Variants in CAPN5 observed in about 807,000 individuals in gnomAD.
CAPN5 encodes calpain 5.
In CAPN5, 54 loss-of-function variants were observed where a neutral mutation model predicts 73.0. That is an observed-to-expected ratio of 0.74 (90% confidence interval 0.59 to 0.93). The LOEUF (loss-of-function observed/expected upper bound fraction) is 0.93. CAPN5 is among the 40% of genes least tolerant of loss of function. CAPN5 has a pLI of 0.00. For missense variants in CAPN5, 785 were observed against 882.9 expected (o/e 0.89, Z 1.41); for synonymous variants, 335 against 356.9 (o/e 0.94, Z 0.69).
At chr11:77,077,466 TG>T (rs1334182239) in intron 1 of CAPN5, among the ~76,000 whole-genome samples, 1 of 151,714 alleles carries the variant, frequency 6.6e-6, no homozygotes, top group African/African-American at 2.4e-5. Flanking sequence ...AGGTGGGAGG[TG>T]GTATCTCATT....
intron 3 of CAPN5, among the ~76,000 whole-genome samples, chr11:77,100,347 C>T (rs1422795831): frequency 2.0e-5 from 3 of 151,828 alleles, no homozygotes; most frequent in African/African-American, 7.3e-5. Context: ...CCTCAGTCCA[C>T]CCCCTCTGCC....
At chr11:77,120,545 G>A (rs149824890) in intron 9 of CAPN5, 168 bp from the exon 10 acceptor site, 2 of 544,820 alleles carry the variant, frequency 3.7e-6, no homozygotes, top group East Asian at 5.9e-5. Context: ...CTTCCCTTCA[G>A]CCCTGGGCAA....
chr11:77,101,484 TG>T lies in CAPN5; in HGVS notation c.297+7676del, dbSNP rs1439504406. 2.0e-5 allele frequency among the ~76,000 whole-genome samples: 3 copies of T among 152,296 alleles called. No homozygotes were observed. In the East Asian group the frequency reaches 5.8e-4, roughly 29 times the overall value. ...GCTGTATGGTTCTCTCAAATACCCT[TG>T]GGGGAATTTCTGCCAATGACCCCCA... On this transcript the variant is annotated intron_variant, in intron 3 of 12. Coordinates refer to ENST00000648180, the MANE Select transcript of CAPN5 (RefSeq NM_004055.5).
chr11:77,094,548 T>C (rs1013830450), intron 3 of CAPN5, among the ~76,000 whole-genome samples: 6 of 152,252 alleles, frequency 3.9e-5, no homozygotes, highest in African/African-American at 1.2e-4. Flanking sequence ...TGAAGAATTA[T>C]TGGCAGGGAC....
At chr11:77,077,663 G>A (rs1301110035) in intron 1 of CAPN5, among the ~76,000 whole-genome samples, 1 of 151,944 alleles carries the variant, frequency 6.6e-6, no homozygotes, top group Non-Finnish European at 1.5e-5. Flanking sequence ...CTGAGTAGCT[G>A]GGTGCCCGCC....
intron 4 of CAPN5, among the ~76,000 whole-genome samples, chr11:77,113,600 G>T (rs552006328): frequency 3.9e-5 from 6 of 152,206 alleles, no homozygotes; most frequent in Admixed American, 1.3e-4. Context: ...CAAGAGAAAG[G>T]GGGAGAGAGG....
intron 3 of CAPN5, among the ~76,000 whole-genome samples, chr11:77,097,608 G>T (rs2135443882): frequency 8.4e-6 from 1 of 119,414 alleles, no homozygotes; most frequent in Admixed American, 8.4e-5. Context: ...CTAGGCAGAG[G>T]ACCCTGCGGC....
At chr11:77,087,531 A>G (rs1385601870) in intron 2 of CAPN5, among the ~76,000 whole-genome samples, 2 of 152,046 alleles carry the variant, frequency 1.3e-5, no homozygotes, top group Non-Finnish European at 2.9e-5. Context: ...TGCCTCTCAA[A>G]TGGAATGCAG....
At chr11:77,103,085 C>T (rs1229322806) in intron 3 of CAPN5, 1 of 1,613,868 alleles carries the variant, frequency 6.2e-7, no homozygotes, top group South Asian at 1.1e-5. Flanking sequence ...CCATCACAGG[C>T]ACCTCGCAGA....
chr11:77,079,190 T>A (rs1292492125), intron 1 of CAPN5, among the ~76,000 whole-genome samples: 1 of 152,008 alleles, frequency 6.6e-6, no homozygotes, highest in Non-Finnish European at 1.5e-5. Context: ...AGAGATTGGG[T>A]CTTGCTATCT....
intron 1 of CAPN5, chr11:77,073,128 G>A (rs1949928900): frequency 1.6e-6 from 2 of 1,289,402 alleles, no homozygotes; most frequent in Non-Finnish European, 2.0e-6. Context: ...GCTGGACTGG[G>A]AGCCCCGAGG....
At chr11:77,122,766 C>T (rs1179535365) in intron 12 of CAPN5, 54 bp downstream of exon 12, 2 of 1,604,906 alleles carry the variant, frequency 1.2e-6, no homozygotes, top group Admixed American at 3.3e-5. Context: ...GAGGCTTCCC[C>T]ACTCAGGGGG....
Position 77,123,898 on chromosome 11 carries a change from G to A in CAPN5, c.*28G>A, listed in dbSNP as rs781785050. The A allele has an allele frequency of 4.4e-6, 7 of 1,600,992 alleles. No individual in the cohort carries two copies. The highest frequency in any genetic ancestry group is 1.3e-5 in the African/African-American group (1 of 74,746). On this transcript the variant is annotated 3_prime_UTR_variant, in exon 13 of 13. Coordinates refer to ENST00000648180, the MANE Select transcript of CAPN5 (RefSeq NM_004055.5). ...CCTGCCCACCTACCTGGCTCTGACC[G>A]TTCCCACCACCATCTGCATGTCCCC...
chr11:77,077,736 A>G (rs1319624455), intron 1 of CAPN5, among the ~76,000 whole-genome samples: 1 of 151,988 alleles, frequency 6.6e-6, no homozygotes, highest in African/African-American at 2.4e-5. Context: ...GCTGGTCTTG[A>G]ACTCCTGACC....
intron 3 of CAPN5, chr11:77,102,930 A>C (rs782551072): frequency 6.2e-6 from 10 of 1,612,962 alleles, no homozygotes; most frequent in Non-Finnish European, 5.9e-6. Context: ...ACGCGTGGAG[A>C]GCCTGAAGCA....
chr11:77,108,334 C>A (rs1555040227), intron 3 of CAPN5, among the ~76,000 whole-genome samples: 1 of 152,174 alleles, frequency 6.6e-6, no homozygotes, highest in Non-Finnish European at 1.5e-5. Context: ...TGGGGGGGTG[C>A]TCAGCAGAAG....
intron 4 of CAPN5, 79 bp from the exon 5 acceptor site, chr11:77,114,163 A>C: frequency 7.1e-7 from 1 of 1,416,904 alleles, no homozygotes; most frequent in South Asian, 1.2e-5. Context: ...TCTGAGTTTC[A>C]AAAACCTCCC....
intron 1 of CAPN5, among the ~76,000 whole-genome samples, chr11:77,077,599 G>A (rs999329269): frequency 6.6e-6 from 1 of 150,570 alleles, no homozygotes; most frequent in African/African-American, 2.4e-5. Flanking sequence ...GCGCGATCTC[G>A]GCTCACTGCA....
chr11:77,086,162 C>T (rs1424859349), intron 2 of CAPN5, among the ~76,000 whole-genome samples: 2 of 152,160 alleles, frequency 1.3e-5, no homozygotes, highest in African/African-American at 2.4e-5. Flanking sequence ...TGAGGTCCCG[C>T]GAAGGCAAAG....
Sources: gnomAD v4.1 joint callset for allele counts (sites outside exome capture counted in the v4.1 genomes callset) on GRCh38, gnomAD v4.1.1 for gene constraint, MANE v1.5 for transcripts, NCBI Gene and HGNC (gene_info 2026-07-23, HGNC 2026-07-21) for gene names.